Variants in TBL1X observed in about 807,000 individuals in gnomAD.
The protein encoded by TBL1X is transducin beta like 1 X-linked, also known as F-box-like/WD repeat-containing protein TBL1X.
TBL1X carries 10 observed loss-of-function variants against 50.7 expected under a neutral mutation model. That is an observed-to-expected ratio of 0.20 (90% CI 0.12 to 0.33). The LOEUF is 0.33. TBL1X is among the 10% of genes least tolerant of loss of function. The pLI is 1.00. For missense variants in TBL1X, 340 were observed against 504.4 expected (o/e 0.67, Z 3.12); for synonymous variants, 190 against 214.7 (o/e 0.88, Z 1.01).
In TBL1X at chrX:9,537,396, T is replaced by A. The variant is rs140411421; in HGVS notation, c.-131+35547T>A. Among the ~76,000 whole-genome samples, 422 of 110,848 alleles carry A rather than the reference T, an allele frequency of 3.8e-3. 2 individuals carry two copies. The highest frequency in any genetic ancestry group is 0.013 in the African/African-American group (397 of 30,460). On this transcript the variant is annotated intron_variant, in intron 2 of 17. Transcript: ENST00000645353. ...CTGTTCAACAGCATTAAATATTCAT[T>A]ACATTGTGCAATCCTCACCACGATC...
chrX:9,715,594 G>A (rs953527507), intron 17 of TBL1X, among the ~76,000 whole-genome samples: 1 of 112,059 alleles, frequency 8.9e-6, no homozygotes, highest in Non-Finnish European at 1.9e-5. Context: ...GGACCACTGC[G>A]GTCTGTGCGG....
At chrX:9,522,243 C>T in intron 2 of TBL1X, among the ~76,000 whole-genome samples, 1 of 111,073 alleles carries the variant, frequency 9.0e-6, no homozygotes, top group South Asian at 3.8e-4. Context: ...GTCTCAAACT[C>T]TTGGTCTCAA....
At chrX:9,598,939 G>GTTTTGTT (rs1489248238) in intron 2 of TBL1X, among the ~76,000 whole-genome samples, 4 of 107,183 alleles carry the variant, frequency 3.7e-5, no homozygotes, top group Non-Finnish European at 5.8e-5. Context: ...GTTTTGTTTT[G>GTTTTGTT]TTTTGTTTTT....
intron 9 of TBL1X, 59 bp from the exon 10 acceptor site, chrX:9,693,090 C>T: frequency 8.5e-7 from 1 of 1,178,417 alleles, no homozygotes; most frequent in African/African-American, 1.7e-5. Flanking sequence ...CTCCGAGCTG[C>T]TTCGGTGCTG....
At position 9,718,597 on chromosome X, in the gene TBL1X, A is replaced by C. The variant is rs2083292402; in HGVS notation, c.*2351A>C. On this transcript the variant is annotated 3_prime_UTR_variant, in exon 18 of 18. Transcript: ENST00000645353. ...ACCCCACCCAAATAAAAATGCACTC[A>C]TCTCTGTAGAACATCTGCTGTCAAA... 1 of 111,847 alleles carries C rather than the reference A, an allele frequency of 8.9e-6. No individual in the cohort carries two copies. The highest frequency in any genetic ancestry group is 3.3e-5 in the African/African-American group (1 of 30,763). The allele number at this position is 111,847 out of a possible 1,213,427, so 9.2% of individuals were successfully genotyped here.
chrX:9,494,010 C>T (rs2081959847), intron 1 of TBL1X, among the ~76,000 whole-genome samples: 1 of 111,226 alleles, frequency 9.0e-6, no homozygotes, highest in Non-Finnish European at 1.9e-5. Flanking sequence ...GTTGTTTTAG[C>T]ACCACACTGT....
chrX:9,653,353 T>C (rs2082846962), intron 3 of TBL1X, among the ~76,000 whole-genome samples, 192 bp from the exon 4 acceptor site: 1 of 112,457 alleles, frequency 8.9e-6, no homozygotes, highest in African/African-American at 3.2e-5. Flanking sequence ...GGGTGGTGTC[T>C]AAGAAAACCA....
intron 2 of TBL1X, among the ~76,000 whole-genome samples, chrX:9,551,639 GA>G (rs759688952): frequency 9.0e-6 from 1 of 111,654 alleles, no homozygotes; most frequent in East Asian, 2.8e-4. Context: ...TCCCTATGAA[GA>G]GGGGGGAAGA....
intron 6 of TBL1X, among the ~76,000 whole-genome samples, chrX:9,685,327 G>A (rs1016752272): frequency 8.9e-6 from 1 of 111,841 alleles, no homozygotes; most frequent in African/African-American, 3.3e-5. Context: ...GTCTCACACT[G>A]TTGCCCAGGC....
At chrX:9,574,978 A>G (rs1014901232) in intron 2 of TBL1X, among the ~76,000 whole-genome samples, 2 of 111,449 alleles carry the variant, frequency 1.8e-5, no homozygotes, top group African/African-American at 6.5e-5. Flanking sequence ...CCCCATGCCC[A>G]CTGTATTAGT....
intron 2 of TBL1X, among the ~76,000 whole-genome samples, chrX:9,525,156 T>C (rs1182771153): frequency 1.8e-5 from 2 of 110,921 alleles, no homozygotes; most frequent in Non-Finnish European, 3.8e-5. Context: ...GATTCTTGAT[T>C]TCTCTCAGTG....
intron 5 of TBL1X, among the ~76,000 whole-genome samples, chrX:9,658,079 C>A (rs903534884): frequency 9.0e-6 from 1 of 111,565 alleles, no homozygotes; most frequent in Non-Finnish European, 1.9e-5. Context: ...TTCCCTTGCA[C>A]ACCTTCTCTT....
chrX:9,497,470 T>C (rs1478574460), intron 1 of TBL1X, among the ~76,000 whole-genome samples: 1 of 105,073 alleles, frequency 9.5e-6, no homozygotes, highest in Non-Finnish European at 1.9e-5. Context: ...CAAGAGCAAT[T>C]AGCAAAAGGA....
chrX:9,608,173 C>T (rs1319328311), intron 2 of TBL1X, among the ~76,000 whole-genome samples: 1 of 110,495 alleles, frequency 9.1e-6, no homozygotes, highest in African/African-American at 3.3e-5. Context: ...TTTTGAGGAA[C>T]GAGACCCCAG....
chrX:9,659,932 C>T (rs923279624), intron 5 of TBL1X, among the ~76,000 whole-genome samples: 1 of 112,398 alleles, frequency 8.9e-6, no homozygotes, highest in Admixed American at 9.4e-5. Context: ...TTCCATGGGC[C>T]GACATGAATG....
intron 3 of TBL1X, among the ~76,000 whole-genome samples, chrX:9,648,158 T>C (rs1388306979): frequency 9.0e-6 from 1 of 111,392 alleles, no homozygotes; most frequent in East Asian, 2.8e-4. Context: ...TCTGTGGCTC[T>C]CAGGACGTGA....
At chrX:9,680,073 A>G (rs1260542765) in intron 5 of TBL1X, among the ~76,000 whole-genome samples, 1 of 111,567 alleles carries the variant, frequency 9.0e-6, no homozygotes, top group African/African-American at 3.3e-5. Context: ...GTGTCTTCAC[A>G]TGGTGGAAGG....
chrX:9,585,328 A>ACCCCCCCCCC (rs1262756915), intron 2 of TBL1X, among the ~76,000 whole-genome samples: 13 of 54,625 alleles, frequency 2.4e-4, no homozygotes, highest in Non-Finnish European at 3.9e-4. Flanking sequence ...GCTCCATGCC[A>ACCCCCCCCCC]CCCCCCTCCC....
intron 1 of TBL1X, among the ~76,000 whole-genome samples, chrX:9,496,834 A>G (rs2081973512): frequency 9.0e-6 from 1 of 111,655 alleles, no homozygotes; most frequent in Non-Finnish European, 1.9e-5. Context: ...TTATGAGAGG[A>G]CGGTGGTTGT....
Sources: allele counts gnomAD v4.1 joint callset (sites outside exome capture counted in the v4.1 genomes callset), GRCh38; gene constraint gnomAD v4.1.1; transcripts MANE v1.5; gene names NCBI Gene and HGNC (gene_info 2026-07-23, HGNC 2026-07-21).